The following ANKRD44 variants were observed in gnomAD, a reference collection of about 807,000 sequenced individuals.
The protein encoded by ANKRD44 is ankyrin repeat domain 44, also known as serine/threonine-protein phosphatase 6 regulatory ankyrin repeat subunit B.
Under a neutral mutation model 116.0 loss-of-function variants are expected in ANKRD44, and 35 were observed. The observed-to-expected ratio is 0.30, with a 90% CI of 0.23 to 0.40. The LOEUF is 0.40. Among genes scored for constraint, ANKRD44 ranks in the 10% least tolerant of loss-of-function variants. ANKRD44 has a pLI of 1.00. For missense variants in ANKRD44, 1,014 were observed against 1,242.6 expected (o/e 0.82, Z 2.77); for synonymous variants, 435 against 461.8 (o/e 0.94, Z 0.74).
chr2:197,282,376 T>G (rs1252528785), intron 1 of ANKRD44, among the ~76,000 whole-genome samples: 1 of 152,124 alleles, frequency 6.6e-6, no homozygotes, highest in Non-Finnish European at 1.5e-5. Flanking sequence ...ATGTCTTGAA[T>G]GCCAGACTGA....
intron 16 of ANKRD44, among the ~76,000 whole-genome samples, chr2:197,055,556 A>C (rs1483050642): frequency 2.6e-5 from 4 of 152,220 alleles, no homozygotes; most frequent in African/African-American, 4.8e-5. Flanking sequence ...CTTACTTCTA[A>C]AAACATTATT....
intron 16 of ANKRD44, among the ~76,000 whole-genome samples, chr2:197,033,255 G>C (rs2076741740): frequency 6.6e-6 from 1 of 152,162 alleles, no homozygotes; most frequent in Non-Finnish European, 1.5e-5. Flanking sequence ...AGTAGACAGA[G>C]AGGCTGAAGG....
chr2:197,083,439 T>A lies in ANKRD44; in HGVS notation c.1387A>T (p.Asn463Tyr). 6.2e-7 allele frequency: 1 copy of A among 1,614,062 alleles called. No homozygotes were observed. Among genetic ancestry groups the A allele is most frequent in the Non-Finnish European group, 8.5e-7 (1 of 1,179,932 alleles). ...CIETLVTTGANVNETDDWGRT... is the reference protein window; with the variant it reads ...CIETLVTTGAYVNETDDWGRT... ...CCCCAGTCATCTGTTTCATTAACGT[T>A]GGCCCCTGTGGTCACTAATGTCTCA... The change falls in exon 14 of 28, where the codon AAC (asparagine) becomes TAC (tyrosine). Residue 463 changes from asparagine (N) to tyrosine (Y), a missense_variant. Transcript: ENST00000282272.
intron 1 of ANKRD44, among the ~76,000 whole-genome samples, chr2:197,219,941 C>T (rs1477433004): frequency 6.6e-6 from 1 of 152,122 alleles, no homozygotes; most frequent in Non-Finnish European, 1.5e-5. Flanking sequence ...ACAAAAATTT[C>T]CCTTTATTTT....
chr2:197,260,099 T>C (rs977428048), intron 1 of ANKRD44, among the ~76,000 whole-genome samples: 2 of 152,198 alleles, frequency 1.3e-5, no homozygotes, highest in Non-Finnish European at 2.9e-5. Flanking sequence ...TTATTATTAT[T>C]ATACTTTAAG....
At chr2:197,086,562 G>C in intron 13 of ANKRD44, 118 bp downstream of exon 13, 1 of 890,736 alleles carries the variant, frequency 1.1e-6, no homozygotes, top group Non-Finnish European at 1.8e-6. Context: ...TTCCGAGGAG[G>C]ATGGAATCCC....
intron 16 of ANKRD44, among the ~76,000 whole-genome samples, chr2:197,071,972 G>C (rs941272513): frequency 1.3e-5 from 2 of 151,912 alleles, no homozygotes; most frequent in Non-Finnish European, 2.9e-5. Flanking sequence ...GTGCCAACTG[G>C]GCTGCCTTCC....
intron 2 of ANKRD44, among the ~76,000 whole-genome samples, chr2:197,178,152 T>C (rs533083354): frequency 6.6e-6 from 1 of 152,328 alleles, no homozygotes; most frequent in East Asian, 1.9e-4. Context: ...TTGATTTTCA[T>C]CTTTGCCAAC....
chr2:197,142,713 C>T (rs371026851), intron 3 of ANKRD44, among the ~76,000 whole-genome samples: 11 of 152,108 alleles, frequency 7.2e-5, no homozygotes, highest in Admixed American at 5.2e-4. Flanking sequence ...CCTCAAAGGA[C>T]GAATATTTGT....
chr2:197,082,915 T>G (rs2077830773), intron 14 of ANKRD44, among the ~76,000 whole-genome samples: 1 of 152,242 alleles, frequency 6.6e-6, no homozygotes, highest in South Asian at 2.1e-4. Context: ...AGGGCATTCA[T>G]ACCCAGGTTT....
intron 5 of ANKRD44, 62 bp from the exon 6 acceptor site, chr2:197,125,530 C>T: frequency 2.1e-6 from 3 of 1,428,532 alleles, no homozygotes; most frequent in Non-Finnish European, 3.0e-6. Flanking sequence ...CTCCTCACTG[C>T]CTGCAGATGA....
chr2:197,006,982 G>A (rs186926384), intron 20 of ANKRD44, among the ~76,000 whole-genome samples: 91 of 152,198 alleles, frequency 6.0e-4, no homozygotes, highest in Admixed American at 5.9e-4. Flanking sequence ...GCATGCACCT[G>A]TGGTCCCAGT....
intron 2 of ANKRD44, 48 bp from the exon 3 acceptor site, chr2:197,147,153 A>G (rs755422668): frequency 3.2e-6 from 5 of 1,549,780 alleles, no homozygotes; most frequent in Middle Eastern, 1.7e-4. Flanking sequence ...TGGCAGCTGG[A>G]GGTCCCTTTT....
At chr2:197,262,152 C>A (rs2082622263) in intron 1 of ANKRD44, among the ~76,000 whole-genome samples, 1 of 152,202 alleles carries the variant, frequency 6.6e-6, no homozygotes, top group Admixed American at 6.5e-5. Context: ...TGATACAGCA[C>A]TCTGGGCAGA....
intron 1 of ANKRD44, among the ~76,000 whole-genome samples, chr2:197,258,832 G>T (rs1241485672): frequency 6.6e-6 from 1 of 152,190 alleles, no homozygotes; most frequent in East Asian, 1.9e-4. Flanking sequence ...TTTCCCTAAT[G>T]ATCAGTGATT....
chr2:197,283,796 G>T (rs1243053123), intron 1 of ANKRD44, among the ~76,000 whole-genome samples: 1 of 152,130 alleles, frequency 6.6e-6, no homozygotes, highest in Non-Finnish European at 1.5e-5. Context: ...ATAAATGGGG[G>T]CAGGGAGTAA....
At chr2:197,220,064 A>G (rs939431634) in intron 1 of ANKRD44, among the ~76,000 whole-genome samples, 1 of 152,240 alleles carries the variant, frequency 6.6e-6, no homozygotes, top group Non-Finnish European at 1.5e-5. Context: ...AGAAAACTCT[A>G]TGCAAATTAC....
chr2:197,157,120 G>T (rs1039393097), intron 2 of ANKRD44, among the ~76,000 whole-genome samples: 1 of 151,878 alleles, frequency 6.6e-6, no homozygotes, highest in Non-Finnish European at 1.5e-5. Context: ...TCAATTAAGC[G>T]GTTTCATAAA....
At chr2:197,304,276 T>C (rs1559236059) in intron 1 of ANKRD44, among the ~76,000 whole-genome samples, 1 of 152,172 alleles carries the variant, frequency 6.6e-6, no homozygotes, top group Non-Finnish European at 1.5e-5. Flanking sequence ...ATTGCACCAC[T>C]ATACTCCAGC....
Sources: allele counts gnomAD v4.1 joint callset (sites outside exome capture counted in the v4.1 genomes callset), GRCh38; gene constraint gnomAD v4.1.1; transcripts MANE v1.5; gene names NCBI Gene and HGNC (gene_info 2026-07-23, HGNC 2026-07-21).